The following MCPH1 variants were observed in gnomAD, a reference collection of about 807,000 sequenced individuals.
MCPH1 encodes microcephalin.
Under a neutral mutation model 84.5 loss-of-function variants are expected in MCPH1, and 104 were observed. That is an observed-to-expected ratio of 1.23 (90% CI 1.05 to 1.45). The LOEUF (loss-of-function observed/expected upper bound fraction) is 1.45. Ranked by LOEUF, MCPH1 falls within the 40% of genes most tolerant of loss-of-function variation. The pLI is 0.00. For missense variants in MCPH1, 1,498 were observed against 1,005.7 expected, an observed-to-expected ratio of 1.49 and a Z score of -6.62; for synonymous variants, 514 against 366.8, an observed-to-expected ratio of 1.40 and a Z score of -4.58.
chr8:6,475,624 G>C (rs1808346367), intron 9 of MCPH1, among the ~76,000 whole-genome samples: 1 of 152,216 alleles, frequency 6.6e-6, no homozygotes, highest in South Asian at 2.1e-4. Context: ...TGAGTCGGGA[G>C]GGCAATGCTC....
At chr8:6,629,253 A>C (rs1000481783) in intron 13 of MCPH1, among the ~76,000 whole-genome samples, 1 of 152,228 alleles carries the variant, frequency 6.6e-6, no homozygotes, top group African/African-American at 2.4e-5. Context: ...ACTTGAGGTC[A>C]GGAGTTTGGG....
At chr8:6,642,844 G>A (rs568951137) in intron 13 of MCPH1, 150 bp from the exon 14 acceptor site, 6 of 722,184 alleles carry the variant, frequency 8.3e-6, no homozygotes, top group Non-Finnish European at 1.5e-5. Flanking sequence ...AAAAAGGTAT[G>A]TGTGCTCTAT....
chr8:6,470,387 G>A (rs185804733), intron 9 of MCPH1, among the ~76,000 whole-genome samples: 1 of 152,040 alleles, frequency 6.6e-6, no homozygotes, highest in Admixed American at 6.6e-5. Context: ...GGGTTCAAGC[G>A]ATTCTCCTAC....
chr8:6,580,427 C>A (rs1319888656), intron 12 of MCPH1, among the ~76,000 whole-genome samples: 2 of 152,082 alleles, frequency 1.3e-5, no homozygotes, highest in East Asian at 1.9e-4. Flanking sequence ...GAGGCCGAGG[C>A]GGGCAGATCA....
At chr8:6,481,649 A>G (rs978183165) in intron 11 of MCPH1, among the ~76,000 whole-genome samples, 11 of 152,216 alleles carry the variant, frequency 7.2e-5, no homozygotes, top group African/African-American at 2.7e-4. Context: ...AAAGCTACAC[A>G]TGTATTTTCA....
intron 13 of MCPH1, among the ~76,000 whole-genome samples, chr8:6,640,758 C>T (rs1451045707): frequency 6.6e-6 from 1 of 152,208 alleles, no homozygotes; most frequent in Admixed American, 6.5e-5. Context: ...CTTCCTCACC[C>T]TCTGAGCTTT....
intron 12 of MCPH1, chr8:6,514,668 T>C (rs1815888658): frequency 6.2e-7 from 1 of 1,612,444 alleles, no homozygotes; most frequent in Non-Finnish European, 8.5e-7. Context: ...CCTTAAAGAA[T>C]GTCCTTACCA....
In MCPH1 at chr8:6,621,471, C is replaced by T. The variant is rs2129580725; in HGVS notation, c.2232C>T (p.Cys744=). 6.2e-7 allele frequency: 1 copy of T among 1,614,032 alleles called. No homozygotes were observed. The highest frequency in any genetic ancestry group is 8.5e-7 in the Non-Finnish European group (1 of 1,180,004). Reference sequence around the variant, plus strand: ...CCCCACAGCTGTGCCGAAGCGAGTGCCACTTGTCTGCAGGGCCGTACCGCG... The same window carrying T: ...CCCCACAGCTGTGCCGAAGCGAGTGTCACTTGTCTGCAGGGCCGTACCGCG... The part of the protein sequence containing the change: ...FPAAPLCRSE[C]HLSAGPYRGT... Residue 744 remains cysteine (C), a synonymous_variant, in exon 13 of 14, where the codon TGC becomes TGT. Transcript: ENST00000344683.
intron 13 of MCPH1, chr8:6,625,246 C>A: frequency 1.0e-6 from 1 of 985,444 alleles, no homozygotes; most frequent in Non-Finnish European, 1.2e-6. Flanking sequence ...ACCTTGCTTA[C>A]CCCACATGCT....
chr8:6,422,253 T>C (rs1800315304), intron 3 of MCPH1, among the ~76,000 whole-genome samples: 1 of 152,194 alleles, frequency 6.6e-6, no homozygotes, highest in Non-Finnish European at 1.5e-5. Context: ...GCTCAGTAAA[T>C]ATTTGTTCTA....
chr8:6,478,938 T>A (rs1195162088), intron 10 of MCPH1, among the ~76,000 whole-genome samples: 2 of 152,018 alleles, frequency 1.3e-5, no homozygotes, highest in Non-Finnish European at 2.9e-5. Flanking sequence ...AAGAAACAGG[T>A]TTTGAGATGG....
chr8:6,593,956 G>A (rs1040631287), intron 12 of MCPH1, among the ~76,000 whole-genome samples: 2 of 152,220 alleles, frequency 1.3e-5, no homozygotes, highest in Non-Finnish European at 2.9e-5. Flanking sequence ...ACAGAAGCAT[G>A]GATAGAAGGC....
At chr8:6,505,578 A>G (rs1460946225) in intron 12 of MCPH1, among the ~76,000 whole-genome samples, 1 of 118,926 alleles carries the variant, frequency 8.4e-6, no homozygotes, top group African/African-American at 3.2e-5. Flanking sequence ...TATAGAATGT[A>G]TATTCTTTTT....
intron 12 of MCPH1, chr8:6,621,100 A>G (rs1298908441): frequency 2.8e-6 from 1 of 356,498 alleles, no homozygotes; most frequent in East Asian, 7.4e-5. Context: ...CGTCACTTGC[A>G]CACGTCACCA....
intron 12 of MCPH1, among the ~76,000 whole-genome samples, chr8:6,526,744 A>G (rs960041288): frequency 3.3e-5 from 5 of 152,224 alleles, no homozygotes; most frequent in African/African-American, 7.2e-5. Context: ...ATATATTGTT[A>G]TAGCCATGTT....
chr8:6,532,454 C>G lies in MCPH1; in HGVS notation c.2214+32525C>G, dbSNP rs774660071. On this transcript the variant is annotated intron_variant, in intron 12 of 13. Coordinates refer to ENST00000344683, the MANE Select transcript of MCPH1 (RefSeq NM_024596.5). ...GCATTCTGCTGTATCTCTACCATTTCTTTCTTCATGTTGTCCTGGATATAA... is the reference window on the plus strand; with the variant it reads ...GCATTCTGCTGTATCTCTACCATTTGTTTCTTCATGTTGTCCTGGATATAA... 1.9e-6 allele frequency: 3 copies of G among 1,613,482 alleles called. No individual in the cohort carries two copies. Among genetic ancestry groups the G allele is most frequent in the East Asian group, 4.5e-5 (2 of 44,826 alleles).
chr8:6,479,755 A>G (rs1808952474), intron 10 of MCPH1, among the ~76,000 whole-genome samples: 1 of 152,178 alleles, frequency 6.6e-6, no homozygotes. Context: ...TTATTATAAA[A>G]GGGAAGAAAG....
intron 1 of MCPH1, chr8:6,407,165 C>A (rs987903008): frequency 4.7e-5 from 11 of 231,986 alleles, no homozygotes; most frequent in Non-Finnish European, 8.6e-5. Context: ...TGGTGTGGGG[C>A]CCTCCTGGGT....
At chr8:6,418,216 A>C (rs1354779359) in intron 3 of MCPH1, among the ~76,000 whole-genome samples, 1 of 151,986 alleles carries the variant, frequency 6.6e-6, no homozygotes, top group Non-Finnish European at 1.5e-5. Flanking sequence ...AGGAGGCCGG[A>C]GCTTCTGCTT....
Sources: gnomAD v4.1 joint callset for allele counts (sites outside exome capture counted in the v4.1 genomes callset) on GRCh38, gnomAD v4.1.1 for gene constraint, MANE v1.5 for transcripts, NCBI Gene and HGNC (gene_info 2026-07-23, HGNC 2026-07-21) for gene names.